Variants in FGF12 observed in about 807,000 individuals in gnomAD.
The protein encoded by FGF12 is fibroblast growth factor 12, also known as fibroblast growth factor 12B.
A neutral mutation model predicts 23.6 loss-of-function variants in FGF12; 14 were observed. The observed-to-expected ratio is 0.59, with a 90% confidence interval of 0.39 to 0.93. The LOEUF (loss-of-function observed/expected upper bound fraction) is 0.93. FGF12 is among the 40% of genes least tolerant of loss of function. The pLI, the probability that FGF12 is intolerant of heterozygous loss-of-function variation, is 0.00. For missense variants in FGF12, 175 were observed against 217.8 expected (o/e 0.80, Z 1.24); for synonymous variants, 62 against 77.3 (o/e 0.80, Z 1.04).
intron 2 of FGF12, among the ~76,000 whole-genome samples, chr3:192,493,770 G>C (rs1723869488): frequency 6.6e-6 from 1 of 152,156 alleles, no homozygotes; most frequent in Non-Finnish European, 1.5e-5. Context: ...AGAAGTCACT[G>C]TTGCAAGAAC....
intron 4 of FGF12, chr3:192,268,549 T>C: frequency 4.7e-6 from 1 of 214,124 alleles, no homozygotes; most frequent in South Asian, 5.2e-5. Context: ...GTCATCCCCT[T>C]GATGATAAGT....
At chr3:192,304,624 T>A (rs1715522056) in intron 4 of FGF12, among the ~76,000 whole-genome samples, 1 of 152,158 alleles carries the variant, frequency 6.6e-6, no homozygotes, top group Non-Finnish European at 1.5e-5. Context: ...TATAATATAA[T>A]TATCGCATAT....
At chr3:192,449,780 A>G (rs1722466801) in intron 2 of FGF12, among the ~76,000 whole-genome samples, 1 of 152,124 alleles carries the variant, frequency 6.6e-6, no homozygotes. Flanking sequence ...CACTTTGATG[A>G]CTTTTCAATA....
chr3:192,310,426 A>T (rs1471086739), intron 4 of FGF12, among the ~76,000 whole-genome samples: 1 of 152,192 alleles, frequency 6.6e-6, no homozygotes, highest in Non-Finnish European at 1.5e-5. Flanking sequence ...CTTCAGTTAG[A>T]GCCCTTTTAA....
intron 2 of FGF12, among the ~76,000 whole-genome samples, chr3:192,561,136 T>C (rs1191859226): frequency 6.6e-6 from 1 of 151,914 alleles, no homozygotes; most frequent in Non-Finnish European, 1.5e-5. Flanking sequence ...GTAACCAACA[T>C]ATATATATGC....
At chr3:192,274,867 C>G (rs372654102) in intron 4 of FGF12, among the ~76,000 whole-genome samples, 1 of 152,066 alleles carries the variant, frequency 6.6e-6, no homozygotes, top group African/African-American at 2.4e-5. Flanking sequence ...CTTTATCCAA[C>G]GATGCCATCA....
chr3:192,277,155 A>T (rs1381129041), intron 4 of FGF12, among the ~76,000 whole-genome samples: 2 of 152,166 alleles, frequency 1.3e-5, no homozygotes, highest in African/African-American at 4.8e-5. Flanking sequence ...CAGCAGAGGA[A>T]AATTTTTCTC....
intron 2 of FGF12, among the ~76,000 whole-genome samples, chr3:192,531,585 C>A (rs1376595605): frequency 6.6e-6 from 1 of 152,058 alleles, no homozygotes. Context: ...TATGAAACAC[C>A]CACTGGTCGT....
In FGF12 at chr3:192,378,048, T is replaced by C. The variant is rs899095004; in HGVS notation, c.14-17510A>G. On this transcript the variant is annotated intron_variant, in intron 2 of 5. Transcript: ENST00000445105. ...TTCTTTTCTTTCTTTCTTTCTTTCT[T>C]TCTTTCTTTCTTTCTTTCTTTCTTT... is the stretch of plus-strand genomic sequence containing the variant. Among the ~76,000 whole-genome samples, 111 of 101,288 alleles carry C rather than the reference T, an allele frequency of 1.1e-3. 10 individuals carry two copies. In the East Asian group the frequency reaches 0.017, roughly 16 times the overall value. The allele number at this position is 101,288 out of a possible 152,430, so 66.4% of individuals were successfully genotyped here.
chr3:192,428,246 G>A (rs909190235), intron 2 of FGF12, among the ~76,000 whole-genome samples: 4 of 152,026 alleles, frequency 2.6e-5, no homozygotes, highest in South Asian at 4.1e-4. Flanking sequence ...TCCTCTACTC[G>A]ACCATGATTT....
At chr3:192,405,328 T>C (rs117321876) in intron 2 of FGF12, among the ~76,000 whole-genome samples, 1 of 151,236 alleles carries the variant, frequency 6.6e-6, no homozygotes, top group East Asian at 1.9e-4. Flanking sequence ...TATCAGAACT[T>C]GGTTAGCTAA....
intron 2 of FGF12, among the ~76,000 whole-genome samples, chr3:192,705,731 A>G (rs1718447158): frequency 6.6e-6 from 1 of 152,242 alleles, no homozygotes; most frequent in South Asian, 2.1e-4. Flanking sequence ...AATGGTGCCA[A>G]TAGACTTGCT....
In FGF12 at chr3:192,335,420, G is replaced by A; in HGVS notation, c.169C>T (p.Gln57Ter). Reference protein sequence around the residue: ...IPVGLRVVAIQGVKASLYVAM... With the variant: ...IPVGLRVVAI Reference sequence around the variant, plus strand: ...ACATAGAGGCTAGCCTTCACTCCTTGGATGGCCACTACACGCAGGCCCACG... The same window carrying A: ...ACATAGAGGCTAGCCTTCACTCCTTAGATGGCCACTACACGCAGGCCCACG... Residue 57 changes from glutamine to a stop codon, truncating the protein, a stop_gained, in exon 4 of 6, where the codon CAA becomes TAA. Coordinates refer to ENST00000445105, the MANE Select transcript of FGF12 (RefSeq NM_004113.6). LOFTEE classifies it high-confidence loss of function. 1 of 1,613,114 alleles carries A rather than the reference G, an allele frequency of 6.2e-7. No homozygotes were observed. The highest frequency in any genetic ancestry group is 8.5e-7 in the Non-Finnish European group (1 of 1,179,440).
At position 192,141,235 on chromosome 3, in the gene FGF12, T is replaced by C. The variant is rs1447218438; in HGVS notation, c.*2774A>G. 4 of 150,034 alleles carry C rather than the reference T, an allele frequency of 2.7e-5. No individual in the cohort carries two copies. Among genetic ancestry groups the C allele is most frequent in the Non-Finnish European group, 1.5e-5 (1 of 67,444 alleles). The allele number at this position is 150,034 out of a possible 1,614,324, so 9.3% of individuals were successfully genotyped here. On this transcript the variant is annotated 3_prime_UTR_variant, in exon 6 of 6. Coordinates refer to ENST00000445105, the MANE Select transcript of FGF12 (RefSeq NM_004113.6). ...AACAATGAAAATCAAAGAATTATTA[T>C]ACTTGAAATAAGCCTGAAAAACAAA...
chr3:192,231,590 T>C (rs1719023549), intron 4 of FGF12, among the ~76,000 whole-genome samples: 1 of 151,938 alleles, frequency 6.6e-6, no homozygotes, highest in Non-Finnish European at 1.5e-5. Context: ...GACAACATGG[T>C]GAAACCCCAT....
intron 4 of FGF12, among the ~76,000 whole-genome samples, chr3:192,251,388 C>T (rs1326997134): frequency 6.6e-6 from 1 of 152,144 alleles, no homozygotes; most frequent in Non-Finnish European, 1.5e-5. Flanking sequence ...TTGGCTATAA[C>T]AGGTGTATCA....
intron 2 of FGF12, among the ~76,000 whole-genome samples, chr3:192,450,652 AAAGAG>A (rs1342885106): frequency 1.3e-5 from 2 of 152,228 alleles, no homozygotes; most frequent in African/African-American, 4.8e-5. Flanking sequence ...CTTAGTATAG[AAAGAG>A]AAGTTGGCAC....
chr3:192,465,849 G>T lies in FGF12; in HGVS notation c.14-105311C>A, dbSNP rs529573661. ...CCTCAGTGCTCCCTCAGAGGAGACA[G>T]AAAACATCAGAAGCCTCCGCATGAA... On this transcript the variant is annotated intron_variant, in intron 2 of 5. Transcript: ENST00000445105. Among the ~76,000 whole-genome samples the T allele has an allele frequency of 3.3e-5, 5 of 152,324 alleles. No homozygotes were observed. In the South Asian group the frequency reaches 1.0e-3, roughly 32 times the overall value.
chr3:192,632,839 A>G (rs936658665), intron 2 of FGF12, among the ~76,000 whole-genome samples: 2 of 152,094 alleles, frequency 1.3e-5, no homozygotes, highest in Admixed American at 1.3e-4. Flanking sequence ...TAGAAGCCAG[A>G]ACTCTGAAAT....
Sources: allele counts gnomAD v4.1 joint callset (sites outside exome capture counted in the v4.1 genomes callset), GRCh38; gene constraint gnomAD v4.1.1; transcripts MANE v1.5; gene names NCBI Gene and HGNC (gene_info 2026-07-23, HGNC 2026-07-21).